CASQ2: variants seen among roughly 807,000 people sequenced by gnomAD.
CASQ2 encodes calsequestrin-2.
CASQ2 carries 49 observed loss-of-function variants against 46.5 expected under a neutral mutation model. That is an observed-to-expected ratio of 1.05 (90% CI 0.84 to 1.34). The LOEUF is 1.34. CASQ2 is among the 40% of genes most tolerant of loss of function. CASQ2 has a pLI of 0.00. For missense variants in CASQ2, 486 were observed against 481.3 expected, an observed-to-expected ratio of 1.01 and a Z score of -0.09; for synonymous variants, 174 against 168.5, an observed-to-expected ratio of 1.03 and a Z score of -0.25.
At chr1:115,753,216 T>C (rs539819477) in intron 1 of CASQ2, among the ~76,000 whole-genome samples, 11 of 152,048 alleles carry the variant, frequency 7.2e-5, no homozygotes, top group African/African-American at 2.4e-4. Flanking sequence ...GGTCAAGGCT[T>C]GAGGACAGGT....
At chr1:115,768,079 C>T (rs567828823) in intron 1 of CASQ2, among the ~76,000 whole-genome samples, 1 of 152,200 alleles carries the variant, frequency 6.6e-6, no homozygotes, top group African/African-American at 2.4e-5. Flanking sequence ...TCAGACCCAT[C>T]GTAGTGTAGC....
At chr1:115,706,151 T>G (rs917314251) in intron 8 of CASQ2, among the ~76,000 whole-genome samples, 3 of 149,670 alleles carry the variant, frequency 2.0e-5, no homozygotes, top group African/African-American at 7.3e-5. Flanking sequence ...TGTGTGTGCG[T>G]GCGTGTGTGT....
chr1:115,727,152 AT>A, intron 5 of CASQ2, 30 bp from the exon 6 acceptor site: 10 of 1,525,424 alleles, frequency 6.6e-6, no homozygotes, highest in Non-Finnish European at 9.1e-6. Flanking sequence ...GACAAAGTTT[AT>A]TTGAATACTA....
chr1:115,763,807 G>A (rs1649039656), intron 1 of CASQ2, among the ~76,000 whole-genome samples: 3 of 152,178 alleles, frequency 2.0e-5, no homozygotes, highest in Admixed American at 1.3e-4. Context: ...GTTGAGAAAT[G>A]AAGGACTTTC....
intron 1 of CASQ2, among the ~76,000 whole-genome samples, chr1:115,764,006 C>T (rs975092311): frequency 6.6e-6 from 1 of 151,862 alleles, no homozygotes; most frequent in Non-Finnish European, 1.5e-5. Flanking sequence ...TTGGTGGAAG[C>T]TGTAAGAGAC....
rs141172037 is a variant in CASQ2 at position 115,744,615 on chromosome 1, C to G, written c.319+213G>C. Among the ~76,000 whole-genome samples the G allele has an allele frequency of 3.5e-3, 529 of 152,340 alleles. 2 individuals are homozygous for G. The highest frequency in any genetic ancestry group is 5.9e-3 in the Non-Finnish European group (403 of 68,028). On this transcript the variant is annotated intron_variant, in intron 2 of 10. Coordinates refer to ENST00000261448, the MANE Select transcript of CASQ2 (RefSeq NM_001232.4). ...AACCCTCTTCATCGTACTGATACAA[C>G]AATCTCTTACATGATTAATGTGAAA...
rs767023791 is a variant in CASQ2 at position 115,702,947 on chromosome 1, G to C, written c.988C>G (p.Gln330Glu). 3.1e-6 allele frequency: 5 copies of C among 1,613,688 alleles called. No individual in the cohort carries two copies. The highest frequency in any genetic ancestry group is 4.2e-6 in the Non-Finnish European group (5 of 1,179,848). Reference protein sequence around the residue: ...KTFKIDLFRPQIGVVNVTDAD... With the variant: ...KTFKIDLFRPEIGVVNVTDAD... The stretch of plus-strand genomic sequence containing the variant: ...TCTGTGACATTCACCACCCCAATCT[G>C]TGGCCTGAATAGGTCAATCTTGAAA... The change falls in exon 10 of 11, where the codon CAG becomes GAG. Residue 330 changes from glutamine (Q) to glutamate (E), a missense_variant. By Grantham distance (29) the Gln-to-Glu change is conservative. Transcript: ENST00000261448.
chr1:115,760,303 G>A (rs1031584524), intron 1 of CASQ2, among the ~76,000 whole-genome samples: 16 of 152,172 alleles, frequency 1.1e-4, no homozygotes, highest in Admixed American at 7.9e-4. Flanking sequence ...GCCTACAAAC[G>A]ACACAGGGAT....
In CASQ2 at chr1:115,751,489, AAAC is replaced by A. The variant is rs887280723; in HGVS notation, c.235-6580_235-6578del. 8.5e-4 allele frequency among the ~76,000 whole-genome samples: 124 copies of A among 146,406 alleles called. 2 individuals carry two copies. The highest frequency in any genetic ancestry group is 3.1e-3 in the African/African-American group (120 of 39,172). ...AGAGATCATCCTGGCTAACACGGTG[AAAC>A]ACCATCTCTGCTAAAAAAAATACAA... On this transcript the variant is annotated intron_variant, in intron 1 of 10. Coordinates refer to ENST00000261448, the MANE Select transcript of CASQ2 (RefSeq NM_001232.4).
At chr1:115,733,381 G>A (rs922178268) in intron 4 of CASQ2, among the ~76,000 whole-genome samples, 7 of 152,196 alleles carry the variant, frequency 4.6e-5, no homozygotes, top group African/African-American at 1.7e-4. Flanking sequence ...CCCTAAGTAA[G>A]AAGGAAATTC....
At chr1:115,743,127 T>C (rs1648250124) in intron 2 of CASQ2, among the ~76,000 whole-genome samples, 1 of 152,142 alleles carries the variant, frequency 6.6e-6, no homozygotes, top group African/African-American at 2.4e-5. Flanking sequence ...TTTGCTCCCA[T>C]ACTCAAGGGA....
Position 115,701,310 on chromosome 1 carries a change from T to C in CASQ2, c.1131A>G (p.Glu377=), listed in dbSNP as rs148824162. 11 of 1,593,584 alleles carry C rather than the reference T, an allele frequency of 6.9e-6. No individual in the cohort carries two copies. The highest frequency in any genetic ancestry group is 8.6e-6 in the Non-Finnish European group (10 of 1,161,362). ...SGKINTEDDD[E]DDDDDDNSDE... is the part of the protein sequence containing the mutation. ...CAGAATTATCATCATCATCATCATC[T>C]TCATCATCATCTTCAGTGTTTATCT... Residue 377 remains glutamate (E), a synonymous_variant, in exon 11 of 11, where the codon GAA becomes GAG. Transcript: ENST00000261448.
In CASQ2 at chr1:115,726,975, CAT is replaced by C; in HGVS notation, c.737+15_737+16del. The C allele has an allele frequency of 6.3e-7, 1 of 1,589,556 alleles. No homozygotes were observed. Among genetic ancestry groups the C allele is most frequent in the Non-Finnish European group, 8.6e-7 (1 of 1,161,810 alleles). ...CCAGACCCCAGGCCCCCAGCCCCCA[CAT>C]GCCATCTCAGGCACCTTTGGTGTTC... On this transcript the variant is annotated intron_variant, in intron 6 of 10. Transcript: ENST00000261448.
rs547764895 is a variant in CASQ2, at chr1:115,711,793, T to C, written c.838+6047A>G. On this transcript the variant is annotated intron_variant, in intron 8 of 10. Coordinates refer to ENST00000261448, the MANE Select transcript of CASQ2 (RefSeq NM_001232.4). ...CATCAGCCTCCTGAGTAGCTGGGAC[T>C]ACAGGTGCATGCTACCATGCCCAGC... Among the ~76,000 whole-genome samples, 8 of 152,238 alleles carry C rather than the reference T, an allele frequency of 5.3e-5. No individual in the cohort carries two copies. In the South Asian group the frequency reaches 1.2e-3, roughly 24 times the overall value.
chr1:115,757,794 C>A (rs568261951), intron 1 of CASQ2, among the ~76,000 whole-genome samples: 2 of 152,242 alleles, frequency 1.3e-5, no homozygotes, highest in South Asian at 2.1e-4. Flanking sequence ...GCAGATTCAA[C>A]CTCTTTACAA....
At chr1:115,765,397 G>A (rs750552311) in intron 1 of CASQ2, among the ~76,000 whole-genome samples, 1 of 152,092 alleles carries the variant, frequency 6.6e-6, no homozygotes, top group Non-Finnish European at 1.5e-5. Flanking sequence ...AAATATACAT[G>A]ACTGGCCACA....
At chr1:115,701,833 G>A (rs1431602397) in intron 10 of CASQ2, among the ~76,000 whole-genome samples, 2 of 152,188 alleles carry the variant, frequency 1.3e-5, no homozygotes, top group East Asian at 1.9e-4. Flanking sequence ...TAATTTTAAA[G>A]TAGCTTACAA....
intron 1 of CASQ2, among the ~76,000 whole-genome samples, chr1:115,745,176 A>G (rs553303206): frequency 1.3e-5 from 2 of 152,272 alleles, no homozygotes; most frequent in South Asian, 2.1e-4. Context: ...ACTGTCACAT[A>G]CCAGTTTCTG....
chr1:115,747,162 G>C (rs1471854400), intron 1 of CASQ2, among the ~76,000 whole-genome samples: 5 of 152,046 alleles, frequency 3.3e-5, no homozygotes, highest in Admixed American at 1.3e-4. Context: ...TTTAAGATAG[G>C]TTGAGGTTCC....
Sources: allele counts gnomAD v4.1 joint callset (sites outside exome capture counted in the v4.1 genomes callset), GRCh38; gene constraint gnomAD v4.1.1; transcripts MANE v1.5; gene names NCBI Gene and HGNC (gene_info 2026-07-23, HGNC 2026-07-21).